Variants in CPQ observed in about 807,000 individuals in gnomAD.
The protein encoded by CPQ is carboxypeptidase Q, also known as Ser-Met dipeptidase.
A neutral mutation model predicts 45.7 loss-of-function variants in CPQ; 37 were observed. That is an observed-to-expected ratio of 0.81 (90% CI 0.62 to 1.07). The LOEUF is 1.07. Among genes scored for constraint, CPQ ranks in the 50% least tolerant of loss-of-function variants. CPQ has a pLI of 0.00. For synonymous variants in CPQ, 186 were observed against 205.8 expected, an observed-to-expected ratio of 0.90 and a Z score of 0.82; for missense variants, 537 against 572.9, an observed-to-expected ratio of 0.94 and a Z score of 0.64.
intron 1 of CPQ, among the ~76,000 whole-genome samples, chr8:96,757,117 G>A (rs1176834938): frequency 2.0e-5 from 3 of 152,110 alleles, no homozygotes; most frequent in Non-Finnish European, 4.4e-5. Context: ...GGGAGGCTGA[G>A]GTGGTAGATC....
At chr8:96,654,934 CTT>C (rs373691319) in intron 1 of CPQ, among the ~76,000 whole-genome samples, 1 of 140,914 alleles carries the variant, frequency 7.1e-6, no homozygotes, top group East Asian at 2.0e-4. Flanking sequence ...TCCTTTGTGG[CTT>C]TTTTTTTTTT....
rs1554575283 is a variant in CPQ, at chr8:96,880,576, T to TACATAC, written c.849+573_849+574insATACAC. 4.4e-4 allele frequency among the ~76,000 whole-genome samples: 37 copies of TACATAC among 83,188 alleles called. 2 individuals carry two copies. The highest frequency in any genetic ancestry group is 7.4e-4 in the Non-Finnish European group (30 of 40,564). The allele number at this position is 83,188 out of a possible 152,430, so 54.6% of individuals were successfully genotyped here. On this transcript the variant is annotated intron_variant, in intron 4 of 7. Coordinates refer to ENST00000220763, the MANE Select transcript of CPQ (RefSeq NM_016134.4). ...ATATATATATATATATATATATATA[T>TACATAC]ACCATGGAATACTACCCAGCCATAG...
intron 7 of CPQ, among the ~76,000 whole-genome samples, chr8:97,110,204 A>T (rs565320332): frequency 6.6e-6 from 1 of 152,270 alleles, no homozygotes; most frequent in Non-Finnish European, 1.5e-5. Context: ...CCTGTGCTTG[A>T]ACTTCATATA....
intron 2 of CPQ, among the ~76,000 whole-genome samples, chr8:96,799,557 G>A (rs900512295): frequency 6.6e-6 from 1 of 152,206 alleles, no homozygotes; most frequent in Non-Finnish European, 1.5e-5. Context: ...TAAAATTGGC[G>A]GTATGGGATC....
chr8:97,123,236 T>TAAA (rs1554591681), intron 7 of CPQ, among the ~76,000 whole-genome samples: 2 of 112,538 alleles, frequency 1.8e-5, no homozygotes, highest in African/African-American at 6.6e-5. Flanking sequence ...TAAAATAAAA[T>TAAA]AAATAAAATA....
chr8:96,659,403 G>A (rs903864877), intron 1 of CPQ: 1 of 152,206 alleles, frequency 6.6e-6, no homozygotes, highest in African/African-American at 2.4e-5. Context: ...TGCAACTTCA[G>A]TTCTGTGGGG....
rs958407415 is a variant in CPQ at position 97,143,435 on chromosome 8, T to A, written c.*252T>A. 1 of 313,564 alleles carries A rather than the reference T, an allele frequency of 3.2e-6. No individual in the cohort carries two copies. Among genetic ancestry groups the A allele is most frequent in the African/African-American group, 2.1e-5 (1 of 46,624 alleles). 19.4% of individuals were successfully genotyped at this position (313,564 alleles called of 1,614,324 possible). A position where few individuals can be genotyped will look rare whatever the true frequency, so the allele number is the denominator to read the frequency against. ...ATTACAGTGGGGGCATTTCTTTATA[T>A]CACCTCTTAAAAACATTGTTTCCAC... On this transcript the variant is annotated 3_prime_UTR_variant, in exon 8 of 8. Transcript: ENST00000220763.
At chr8:97,134,403 A>C (rs1386848830) in intron 7 of CPQ, among the ~76,000 whole-genome samples, 1 of 152,244 alleles carries the variant, frequency 6.6e-6, no homozygotes, top group Non-Finnish European at 1.5e-5. Context: ...GGAGGGGTGG[A>C]CTTTAGACTG....
chr8:96,881,419 C>T (rs1434372807), intron 4 of CPQ, among the ~76,000 whole-genome samples: 1 of 152,134 alleles, frequency 6.6e-6, no homozygotes, highest in East Asian at 1.9e-4. Context: ...AACTCGCTAA[C>T]ACAAGAACAG....
At chr8:96,952,381 T>C (rs1450705220) in intron 4 of CPQ, among the ~76,000 whole-genome samples, 2 of 152,096 alleles carry the variant, frequency 1.3e-5, no homozygotes. Context: ...TAGGGTGTGA[T>C]TGTAGGAGCC....
chr8:96,669,745 A>G (rs1808977292), intron 1 of CPQ, among the ~76,000 whole-genome samples: 1 of 152,228 alleles, frequency 6.6e-6, no homozygotes, highest in Admixed American at 6.5e-5. Context: ...TGCTATGTAC[A>G]AGAAACTTAC....
chr8:97,070,709 A>G (rs1810725779), intron 7 of CPQ, among the ~76,000 whole-genome samples: 1 of 152,206 alleles, frequency 6.6e-6, no homozygotes, highest in Admixed American at 6.5e-5. Flanking sequence ...TCACACATAA[A>G]ATGGTGAATT....
intron 7 of CPQ, among the ~76,000 whole-genome samples, chr8:97,110,052 T>G (rs1811474818): frequency 1.3e-5 from 2 of 152,190 alleles, no homozygotes; most frequent in African/African-American, 4.8e-5. Flanking sequence ...TGGATAATTA[T>G]GTAACCTGGG....
At chr8:96,658,438 A>G (rs563362968) in intron 1 of CPQ, among the ~76,000 whole-genome samples, 1 of 152,364 alleles carries the variant, frequency 6.6e-6, no homozygotes, top group African/African-American at 2.4e-5. Flanking sequence ...TTCTTCATCC[A>G]TAAAATTGGG....
intron 6 of CPQ, among the ~76,000 whole-genome samples, chr8:97,056,190 C>T (rs1810453753): frequency 6.6e-6 from 1 of 152,042 alleles, no homozygotes; most frequent in African/African-American, 2.4e-5. Flanking sequence ...CAATAGGAAA[C>T]TAATACACAA....
At chr8:97,122,983 A>AAAAT in intron 7 of CPQ, among the ~76,000 whole-genome samples, 1 of 58,302 alleles carries the variant, frequency 1.7e-5, no homozygotes, top group Non-Finnish European at 2.7e-5. Flanking sequence ...AAATAAAATT[A>AAAAT]AAATAAAATA....
intron 1 of CPQ, among the ~76,000 whole-genome samples, chr8:96,758,156 G>T (rs1370141256): frequency 6.6e-6 from 1 of 152,138 alleles, no homozygotes; most frequent in Non-Finnish European, 1.5e-5. Context: ...ATTTTGCTAA[G>T]TTAAGAGATC....
At chr8:96,882,060 A>G (rs1375622432) in intron 4 of CPQ, among the ~76,000 whole-genome samples, 1 of 152,210 alleles carries the variant, frequency 6.6e-6, no homozygotes, top group Non-Finnish European at 1.5e-5. Context: ...AACAAGTCTT[A>G]TGCACATGAC....
chr8:97,126,274 A>G (rs775289276), intron 7 of CPQ, among the ~76,000 whole-genome samples: 9 of 152,214 alleles, frequency 5.9e-5, no homozygotes, highest in Non-Finnish European at 1.0e-4. Context: ...ATAATAAAAA[A>G]TAGCAAGAGT....
Sources: gnomAD v4.1 joint callset for allele counts (sites outside exome capture counted in the v4.1 genomes callset) on GRCh38, gnomAD v4.1.1 for gene constraint, MANE v1.5 for transcripts, NCBI Gene and HGNC (gene_info 2026-07-23, HGNC 2026-07-21) for gene names.